Variants in MRE11 observed in about 807,000 individuals in gnomAD.
MRE11 encodes double-strand break repair protein MRE11.
In MRE11, 62 loss-of-function variants were observed where a neutral mutation model predicts 91.7. The ratio of observed to expected loss-of-function variants is 0.68; its 90% confidence interval spans 0.55 to 0.84. The LOEUF (loss-of-function observed/expected upper bound fraction) is 0.84, where lower values mean the gene tolerates loss of function less well. Among genes scored for constraint, MRE11 ranks in the 40% least tolerant of loss-of-function variants. MRE11 has a pLI of 0.00. For missense variants in MRE11, 796 were observed against 852.9 expected (o/e 0.93, Z 0.83); for synonymous variants, 273 against 271.4 (o/e 1.01, Z -0.06).
chr11:94,499,571 G>A, the MRE11 span: 1 of 151,918 alleles, frequency 6.6e-6, no homozygotes, highest in Non-Finnish European at 1.5e-5. Context: ...TACAAGTTTT[G>A]AACAACACAA....
chr11:94,451,927 C>T (rs1243451056), intron 14 of MRE11, among the ~76,000 whole-genome samples: 1 of 152,052 alleles, frequency 6.6e-6, no homozygotes, highest in African/African-American at 2.4e-5. Flanking sequence ...AATACCCGGC[C>T]AGGCGCGGTT....
At chr11:94,460,187 C>G (rs78669321) in intron 12 of MRE11, among the ~76,000 whole-genome samples, 1 of 152,186 alleles carries the variant, frequency 6.6e-6, no homozygotes, top group Non-Finnish European at 1.5e-5. Context: ...CTTAGAGCCT[C>G]CAAAAAGGAA....
intron 19 of MRE11, among the ~76,000 whole-genome samples, chr11:94,424,669 T>C (rs921491345): frequency 3.9e-5 from 6 of 152,200 alleles, no homozygotes; most frequent in African/African-American, 7.2e-5. Context: ...ACTTCTGGAA[T>C]TGAAAATTTC....
At chr11:94,464,013 T>C in intron 11 of MRE11, 100 bp downstream of exon 11, 2 of 1,312,922 alleles carry the variant, frequency 1.5e-6, no homozygotes, top group Non-Finnish European at 2.2e-6. Flanking sequence ...ATTACAATCA[T>C]ATTAAAACAT....
At chr11:94,470,002 T>C (rs752246053) in intron 9 of MRE11, among the ~76,000 whole-genome samples, 1 of 152,106 alleles carries the variant, frequency 6.6e-6, no homozygotes, top group Non-Finnish European at 1.5e-5. Flanking sequence ...GGGACTTACA[T>C]TGCAGCAATA....
At chr11:94,482,239 C>G (rs1316371455) in intron 4 of MRE11, among the ~76,000 whole-genome samples, 1 of 152,146 alleles carries the variant, frequency 6.6e-6, no homozygotes, top group Admixed American at 6.5e-5. Flanking sequence ...AAGATTGGCA[C>G]ATTTCTTTCC....
rs113541615 is a variant in MRE11 at position 94,487,605 on chromosome 11, G to C, written c.154-1521C>G. 8.8e-3 allele frequency among the ~76,000 whole-genome samples: 1,334 copies of C among 152,268 alleles called. 21 individuals are homozygous for C. Among genetic ancestry groups the C allele is most frequent in the African/African-American group, 0.031 (1,279 of 41,552 alleles). On this transcript the variant is annotated intron_variant, in intron 3 of 19. Coordinates refer to ENST00000323929, the MANE Select transcript of MRE11 (RefSeq NM_005591.4). The stretch of plus-strand genomic sequence containing the variant: ...TGGACACCACCAACCAGCCTCCAAA[G>C]TGCTGTAACAGACATTACAGGGACA...
Position 94,445,870 on chromosome 11 carries a change from T to C in MRE11, c.1807A>G (p.Thr603Ala), listed in dbSNP as rs751657849. Residue 603 changes from threonine (T) to alanine (A), a missense_variant, in exon 16 of 20, where the codon ACC (threonine) becomes GCC (alanine). Physicochemically the swap from Thr to Ala is moderately conservative, Grantham distance 58. Transcript: ENST00000323929. ...GCAGTCTTTGAGTTCCTGCTACGGGTAGAAGTCTCCAGACCAGTGTCTGCT... is the reference window on the plus strand; with the variant it reads ...GCAGTCTTTGAGTTCCTGCTACGGGCAGAAGTCTCCAGACCAGTGTCTGCT... ...GRADTGLETS[T>A]RSRNSKTAVS... 11 of 1,613,644 alleles carry C rather than the reference T, an allele frequency of 6.8e-6. No homozygotes were observed. Among genetic ancestry groups the C allele is most frequent in the African/African-American group, 1.3e-5 (1 of 74,918 alleles).
intron 14 of MRE11, among the ~76,000 whole-genome samples, chr11:94,455,865 C>A (rs900189142): frequency 1.8e-4 from 27 of 152,124 alleles, no homozygotes. Flanking sequence ...TATATCCCCA[C>A]ACACATACAA....
In MRE11 at chr11:94,459,896, C is replaced by T. The variant is rs1042598511; in HGVS notation, c.1327-315G>A. Among the ~76,000 whole-genome samples, 4 of 152,284 alleles carry T rather than the reference C, an allele frequency of 2.6e-5. No homozygotes were observed. In the South Asian group the frequency reaches 8.3e-4, roughly 32 times the overall value. On this transcript the variant is annotated intron_variant, in intron 12 of 19. Coordinates refer to ENST00000323929, the MANE Select transcript of MRE11 (RefSeq NM_005591.4). ...CCCCTAAAGATGTCCACGTCTTAAA[C>T]TCTGGGACCTGTGAATACATGGCAA...
At chr11:94,483,492 T>A (rs760267338) in intron 4 of MRE11, among the ~76,000 whole-genome samples, 2 of 152,084 alleles carry the variant, frequency 1.3e-5, no homozygotes, top group Admixed American at 6.6e-5. Context: ...TCTAAAGAGA[T>A]CTGATGGTTT....
intron 14 of MRE11, among the ~76,000 whole-genome samples, chr11:94,448,772 C>A (rs1946015862): frequency 6.6e-6 from 1 of 152,056 alleles, no homozygotes; most frequent in African/African-American, 2.4e-5. Flanking sequence ...TCCAGCCTGG[C>A]AACAGAGCGA....
At chr11:94,463,494 T>C (rs1416106904) in intron 11 of MRE11, among the ~76,000 whole-genome samples, 1 of 152,210 alleles carries the variant, frequency 6.6e-6, no homozygotes, top group African/African-American at 2.4e-5. Context: ...GTGTTTATTG[T>C]GGCACTATTC....
chr11:94,495,182 C>T (rs1222141282), upstream of MRE11, among the ~76,000 whole-genome samples: 1 of 152,026 alleles, frequency 6.6e-6, no homozygotes, highest in African/African-American at 2.4e-5. Context: ...AGTTTAATAC[C>T]ACATTAAGAT....
At chr11:94,424,243 C>A (rs1402744848) in intron 19 of MRE11, among the ~76,000 whole-genome samples, 2 of 152,122 alleles carry the variant, frequency 1.3e-5, no homozygotes, top group Non-Finnish European at 2.9e-5. Context: ...AATTACAACA[C>A]CAAAATAATT....
rs1204954166 is a variant in MRE11, at chr11:94,416,689, CAA to C, written c.*3434_*3435del. On this transcript the variant is annotated 3_prime_UTR_variant, in exon 20 of 20. Transcript: ENST00000323929. ...AAAAACCCTGTCTCTACTAAAAATA[CAA>C]AAAAAAAAAAAAAAAAATTAGCCAG... is the stretch of plus-strand genomic sequence containing the variant. 4.7e-3 allele frequency: 454 copies of C among 96,594 alleles called. 1 individual carries two copies. The highest frequency in any genetic ancestry group is 0.012 in the African/African-American group (319 of 26,770). The allele number at this position is 96,594 out of a possible 1,614,324, so 6.0% of individuals were successfully genotyped here.
rs747564051 is a variant in MRE11 at position 94,464,221 on chromosome 11, A to T, written c.1117T>A (p.Phe373Ile). The change falls in exon 11 of 20, where the codon TTT (phenylalanine) becomes ATT (isoleucine). Residue 373 changes from phenylalanine to isoleucine, a missense_variant. Physicochemically the swap from Phe to Ile is conservative, Grantham distance 21. Coordinates refer to ENST00000323929, the MANE Select transcript of MRE11 (RefSeq NM_005591.4). ...VRLRVDYSGGFEPFSVLRFSQ... is the reference protein window; with the variant it reads ...VRLRVDYSGGIEPFSVLRFSQ... Reference sequence around the variant, plus strand: ...AAGCGAAGAACACTGAAAGGTTCAAAACCTCCACTATAGTCCACCTGAAAA... The same window carrying T: ...AAGCGAAGAACACTGAAAGGTTCAATACCTCCACTATAGTCCACCTGAAAA... The T allele has an allele frequency of 6.2e-7, 1 of 1,613,944 alleles. No individual in the cohort carries two copies. Among genetic ancestry groups the T allele is most frequent in the Admixed American group, 1.7e-5 (1 of 60,020 alleles).
intron 13 of MRE11, among the ~76,000 whole-genome samples, chr11:94,459,104 AAAATT>A (rs1946344113): frequency 6.6e-6 from 1 of 152,230 alleles, no homozygotes; most frequent in Admixed American, 6.5e-5. Context: ...ACTTACTAAA[AAAATT>A]AAAATGAACA....
In MRE11 at chr11:94,417,560, G is replaced by A. The variant is rs967068312; in HGVS notation, c.*2565C>T. ...TTTGCAGTTGCATCCTCCTAACTGC[G>A]TCTAATGGCAGAAGCACCACCTTGT... On this transcript the variant is annotated 3_prime_UTR_variant, in exon 20 of 20. Transcript: ENST00000323929. 13 of 232,962 alleles carry A rather than the reference G, an allele frequency of 5.6e-5. No individual in the cohort carries two copies. The highest frequency in any genetic ancestry group is 1.8e-4 in the East Asian group (3 of 16,500). The allele number at this position is 232,962 out of a possible 1,614,324, so 14.4% of individuals were successfully genotyped here. A position where few individuals can be genotyped will look rare whatever the true frequency, so the allele number is the denominator to read the frequency against.
Sources: allele counts gnomAD v4.1 joint callset (sites outside exome capture counted in the v4.1 genomes callset), GRCh38; gene constraint gnomAD v4.1.1; transcripts MANE v1.5; gene names NCBI Gene and HGNC (gene_info 2026-07-23, HGNC 2026-07-21).